RBFOX1: variants seen among roughly 807,000 people sequenced by gnomAD.
RBFOX1 encodes the protein RNA binding protein fox-1 homolog 1.
In RBFOX1, 8 loss-of-function variants were observed where a neutral mutation model predicts 57.7. That is an observed-to-expected ratio of 0.14 (90% confidence interval 0.08 to 0.25). The LOEUF (loss-of-function observed/expected upper bound fraction) is 0.25, where lower values mean the gene tolerates loss of function less well. Ranked by LOEUF, RBFOX1 falls within the 10% of genes least tolerant of loss-of-function variation. RBFOX1 has a pLI of 1.00. For missense variants in RBFOX1, 611 were observed against 548.5 expected, an observed-to-expected ratio of 1.11 and a Z score of -1.14; for synonymous variants, 326 against 222.4, an observed-to-expected ratio of 1.47 and a Z score of -4.15.
chr16:5,471,951 T>G (rs552983821), intron 2 of RBFOX1, among the ~76,000 whole-genome samples: 1 of 152,134 alleles, frequency 6.6e-6, no homozygotes, highest in South Asian at 2.1e-4. Context: ...TTGGCTGGAG[T>G]GTGGGTCCTT....
chr16:5,464,606 A>G (rs949837814), intron 1 of RBFOX1, among the ~76,000 whole-genome samples: 2 of 140,670 alleles, frequency 1.4e-5, no homozygotes, highest in Non-Finnish European at 3.1e-5. Flanking sequence ...CTCTCTCAGT[A>G]CAGTGTTCTC....
At chr16:6,854,526 G>A (rs931610840) in intron 3 of RBFOX1, among the ~76,000 whole-genome samples, 4 of 150,746 alleles carry the variant, frequency 2.7e-5, no homozygotes, top group African/African-American at 7.3e-5. Context: ...TACCTGTTTT[G>A]CCTGGCCAAC....
chr16:5,938,333 G>A (rs1226425713), intron 4 of RBFOX1, among the ~76,000 whole-genome samples: 1 of 152,166 alleles, frequency 6.6e-6, no homozygotes, highest in Non-Finnish European at 1.5e-5. Context: ...GTGTCTCACT[G>A]ATCGTTGCTG....
intron 3 of RBFOX1, among the ~76,000 whole-genome samples, chr16:5,686,359 G>T (rs1368423013): frequency 2.0e-5 from 3 of 152,046 alleles, no homozygotes; most frequent in African/African-American, 7.2e-5. Flanking sequence ...TGTAGTTTTG[G>T]GTGGTTTGAA....
At chr16:6,473,085 C>G (rs1567354812) in intron 2 of RBFOX1, among the ~76,000 whole-genome samples, 1 of 152,072 alleles carries the variant, frequency 6.6e-6, no homozygotes, top group Admixed American at 6.5e-5. Context: ...CCTATGTACC[C>G]CTAGTCTTCT....
At chr16:7,353,971 A>G (rs759178036) in intron 4 of RBFOX1, among the ~76,000 whole-genome samples, 1 of 151,950 alleles carries the variant, frequency 6.6e-6, no homozygotes, top group Non-Finnish European at 1.5e-5. Context: ...TGTATATTTT[A>G]TTTTATTTTA....
chr16:7,140,498 C>T (rs1199290914), intron 4 of RBFOX1, among the ~76,000 whole-genome samples: 20 of 151,970 alleles, frequency 1.3e-4, no homozygotes, highest in Admixed American at 1.3e-3. Flanking sequence ...GTTGGATACC[C>T]AGGACCTAGC....
intron 4 of RBFOX1, among the ~76,000 whole-genome samples, chr16:7,331,883 A>T (rs552108929): frequency 1.3e-5 from 2 of 152,212 alleles, no homozygotes; most frequent in African/African-American, 4.8e-5. Flanking sequence ...ACATATCCCA[A>T]ATGATTGCTT....
At chr16:6,054,033 A>T (rs1358915690) in intron 1 of RBFOX1, among the ~76,000 whole-genome samples, 1 of 152,158 alleles carries the variant, frequency 6.6e-6, no homozygotes, top group East Asian at 1.9e-4. Context: ...TGCGCAACAG[A>T]ATGAGACCCT....
intron 4 of RBFOX1, among the ~76,000 whole-genome samples, chr16:7,100,523 A>G (rs1181912823): frequency 6.7e-6 from 1 of 148,530 alleles, no homozygotes; most frequent in South Asian, 2.1e-4. Flanking sequence ...AACATTTTCT[A>G]GTGTTACTGA....
intron 3 of RBFOX1, among the ~76,000 whole-genome samples, chr16:5,706,429 C>G (rs920427206): frequency 1.3e-5 from 2 of 152,202 alleles, no homozygotes; most frequent in Non-Finnish European, 2.9e-5. Context: ...AACCTGCCCT[C>G]TTATTTCCCT....
At chr16:6,718,015 T>C (rs866910775) in intron 3 of RBFOX1, among the ~76,000 whole-genome samples, 1 of 152,260 alleles carries the variant, frequency 6.6e-6, no homozygotes, top group South Asian at 2.1e-4. Flanking sequence ...ACCACCGTCA[T>C]CACCACCATC....
At chr16:5,861,209 T>C (rs1328927931) in intron 3 of RBFOX1, among the ~76,000 whole-genome samples, 2 of 152,202 alleles carry the variant, frequency 1.3e-5, no homozygotes, top group African/African-American at 4.8e-5. Flanking sequence ...TGGGGATGTG[T>C]GGGCAGCCAG....
At chr16:6,104,132 A>AACACAC (rs112249231) in intron 1 of RBFOX1, among the ~76,000 whole-genome samples, 5,503 of 148,440 alleles carry the variant, frequency 0.037, 129 homozygotes, top group Non-Finnish European at 0.05. Context: ...TCCCAGTTGA[A>AACACAC]ACACACACAC....
intron 2 of RBFOX1, among the ~76,000 whole-genome samples, chr16:6,496,052 T>C (rs2095759672): frequency 6.6e-6 from 1 of 152,338 alleles, no homozygotes; most frequent in African/African-American, 2.4e-5. Flanking sequence ...AGAACAAGCG[T>C]ATGTTTATGG....
At position 6,803,441 on chromosome 16, in the gene RBFOX1, G is replaced by GA. The variant is rs1200036836; in HGVS notation, c.-16+148796dup. 1.9e-4 allele frequency among the ~76,000 whole-genome samples: 29 copies of GA among 152,202 alleles called. 1 individual carries two copies. Among genetic ancestry groups the GA allele is most frequent in the African/African-American group, 7.0e-4 (29 of 41,536 alleles). On this transcript the variant is annotated intron_variant, in intron 3 of 15. Transcript: ENST00000550418. ...AAGTGAGAGTGGCGTTCTGGCCTTGGAAAAACAAACATTTGTTATTACTTT... is the reference window on the plus strand; with the variant it reads ...AAGTGAGAGTGGCGTTCTGGCCTTGGAAAAAACAAACATTTGTTATTACTTT...
chr16:6,598,994 C>A (rs985516344), intron 2 of RBFOX1, among the ~76,000 whole-genome samples: 4 of 152,062 alleles, frequency 2.6e-5, no homozygotes, highest in African/African-American at 9.7e-5. Flanking sequence ...ATCCCAGTGT[C>A]AGCACGTAAG....
intron 1 of RBFOX1, among the ~76,000 whole-genome samples, chr16:6,221,489 G>C (rs1390496954): frequency 1.3e-5 from 2 of 152,164 alleles, no homozygotes; most frequent in Non-Finnish European, 2.9e-5. Context: ...TATTTCCAAA[G>C]ACTGTATTGT....
intron 3 of RBFOX1, among the ~76,000 whole-genome samples, chr16:6,790,619 C>G (rs1008346428): frequency 2.0e-5 from 3 of 152,252 alleles, no homozygotes; most frequent in South Asian, 2.1e-4. Context: ...GTTTTTAAGT[C>G]TCTTTACTGT....
Sources: gnomAD v4.1 joint callset for allele counts (sites outside exome capture counted in the v4.1 genomes callset) on GRCh38, gnomAD v4.1.1 for gene constraint, MANE v1.5 for transcripts, NCBI Gene and HGNC (gene_info 2026-07-23, HGNC 2026-07-21) for gene names.